The following GPR158 variants were observed in gnomAD, a reference collection of about 807,000 sequenced individuals.
GPR158 encodes metabotropic glycine receptor.
GPR158 carries 30 observed loss-of-function variants against 78.2 expected under a neutral mutation model. That is an observed-to-expected ratio of 0.38 (90% CI 0.29 to 0.52). The LOEUF is 0.52. GPR158 is among the 20% of genes least tolerant of loss of function. GPR158 has a pLI of 0.83. For missense variants in GPR158, 1,463 were observed against 1,523.5 expected, an observed-to-expected ratio of 0.96 and a Z score of 0.66; for synonymous variants, 581 against 591.1, an observed-to-expected ratio of 0.98 and a Z score of 0.25.
At chr10:25,401,106 A>T (rs943304003) in intron 3 of GPR158, among the ~76,000 whole-genome samples, 4 of 151,944 alleles carry the variant, frequency 2.6e-5, no homozygotes, top group African/African-American at 9.7e-5. Flanking sequence ...CTCTCTTCCT[A>T]CTCTGTTTCA....
At chr10:25,370,061 T>C (rs1446171673) in intron 2 of GPR158, among the ~76,000 whole-genome samples, 1 of 148,732 alleles carries the variant, frequency 6.7e-6, no homozygotes, top group Non-Finnish European at 1.5e-5. Context: ...TCTCTCTTTT[T>C]TTCTTTATTA....
At chr10:25,367,458 G>A (rs902093208) in intron 2 of GPR158, among the ~76,000 whole-genome samples, 2 of 151,514 alleles carry the variant, frequency 1.3e-5, no homozygotes, top group African/African-American at 2.4e-5. Flanking sequence ...TCAAGATTTC[G>A]TTTTGGCTCT....
At chr10:25,188,873 C>CAA (rs1159966580) in intron 1 of GPR158, among the ~76,000 whole-genome samples, 2 of 152,114 alleles carry the variant, frequency 1.3e-5, no homozygotes, top group African/African-American at 2.4e-5. Flanking sequence ...AAAATTTTTA[C>CAA]AATCTACCCA....
intron 2 of GPR158, among the ~76,000 whole-genome samples, chr10:25,252,569 T>A (rs1160615310): frequency 7.6e-4 from 115 of 150,886 alleles, no homozygotes; most frequent in African/African-American, 2.8e-3. Context: ...TGGAATACCC[T>A]GCCGTGTGAG....
At chr10:25,239,773 A>G (rs1360069702) in intron 2 of GPR158, among the ~76,000 whole-genome samples, 3 of 152,184 alleles carry the variant, frequency 2.0e-5, no homozygotes, top group African/African-American at 7.2e-5. Flanking sequence ...ATTGGTATCT[A>G]CTATTTGGTT....
chr10:25,424,078 C>G (rs933657983), intron 4 of GPR158, among the ~76,000 whole-genome samples: 10 of 152,202 alleles, frequency 6.6e-5, no homozygotes, highest in African/African-American at 2.2e-4. Flanking sequence ...GCCATTCTAA[C>G]TGGTGTGAGA....
chr10:25,372,708 T>C (rs1337129657), intron 2 of GPR158, among the ~76,000 whole-genome samples: 1 of 75,580 alleles, frequency 1.3e-5, no homozygotes, highest in African/African-American at 5.3e-5. Flanking sequence ...GGGACTGTTG[T>C]GGGGTGGGGG....
intron 2 of GPR158, among the ~76,000 whole-genome samples, chr10:25,257,175 C>G: frequency 6.6e-6 from 1 of 152,246 alleles, no homozygotes; most frequent in Middle Eastern, 3.4e-3. Flanking sequence ...GAAGCAAGTA[C>G]GTGAGACAGA....
At chr10:25,453,949 T>A (rs945919350) in intron 4 of GPR158, among the ~76,000 whole-genome samples, 5 of 152,202 alleles carry the variant, frequency 3.3e-5, no homozygotes, top group Non-Finnish European at 5.9e-5. Flanking sequence ...TTGGATTTTG[T>A]TTCTATTTCT....
At chr10:25,365,242 A>ATAAACAATATTTAATTTTCTCCCCATT (rs6143831) in intron 2 of GPR158, among the ~76,000 whole-genome samples, 2 of 150,326 alleles carry the variant, frequency 1.3e-5, no homozygotes, top group Non-Finnish European at 3.0e-5. Context: ...TTTGTGAGTG[A>ATAAACAATATTTAATTTTCTCCCCATT]TAAACAATAT....
At chr10:25,186,108 G>A (rs181385156) in intron 1 of GPR158, among the ~76,000 whole-genome samples, 3,333 of 152,238 alleles carry the variant, frequency 0.022, 129 homozygotes, top group African/African-American at 0.076. Context: ...TGAACAACCT[G>A]CTCCTGAATG....
rs768562681 is a variant in GPR158 at position 25,176,908 on chromosome 10, C to A, written c.902+586C>A. On this transcript the variant is annotated intron_variant, in intron 1 of 10. Coordinates refer to ENST00000376351, the MANE Select transcript of GPR158 (RefSeq NM_020752.3). This position sits in a 1 kb window ranked among gnomAD's most constrained non-coding sequence, Gnocchi z 6.3. ...CCCCTCAGCAGTGAGTCAGTCCCAG[C>A]AGCTAGCTGTCTCTGGGATCCAGAC... 6.6e-6 allele frequency among the ~76,000 whole-genome samples: 1 copy of A among 152,204 alleles called. No individual in the cohort carries two copies. Among genetic ancestry groups the A allele is most frequent in the Non-Finnish European group, 1.5e-5 (1 of 68,034 alleles).
At chr10:25,449,712 T>C (rs147058550) in intron 4 of GPR158, among the ~76,000 whole-genome samples, 79 of 152,270 alleles carry the variant, frequency 5.2e-4, no homozygotes, top group South Asian at 2.5e-3. Context: ...TACTTGAACA[T>C]CCCTGAGAGG....
chr10:25,430,356 A>G (rs1834883571), intron 4 of GPR158, among the ~76,000 whole-genome samples: 1 of 150,736 alleles, frequency 6.6e-6, no homozygotes, highest in Non-Finnish European at 1.5e-5. Flanking sequence ...TCAATGAAAT[A>G]AAAGAGGATA....
At chr10:25,266,493 T>C (rs1318106220) in intron 2 of GPR158, among the ~76,000 whole-genome samples, 3 of 152,182 alleles carry the variant, frequency 2.0e-5, no homozygotes, top group African/African-American at 7.2e-5. Flanking sequence ...TTCTTTCTAA[T>C]GGGATTCGGT....
At chr10:25,314,226 G>A (rs113092155) in intron 2 of GPR158, among the ~76,000 whole-genome samples, 30,633 of 151,810 alleles carry the variant, frequency 0.2, 5,213 homozygotes, top group African/African-American at 0.47. Flanking sequence ...TCAGCCTCCC[G>A]AGTAGCTGGG....
chr10:25,528,659 T>A (rs1181115011), intron 5 of GPR158, among the ~76,000 whole-genome samples: 1 of 152,118 alleles, frequency 6.6e-6, no homozygotes, highest in Admixed American at 6.6e-5. Context: ...GAGAAACACA[T>A]GATGTTCATG....
chr10:25,522,156 A>C (rs1836286088), intron 5 of GPR158, among the ~76,000 whole-genome samples: 1 of 152,208 alleles, frequency 6.6e-6, no homozygotes, highest in African/African-American at 2.4e-5. Context: ...TCAGCTTCTT[A>C]CTATGTAAGT....
chr10:25,267,953 T>A (rs1854065147), intron 2 of GPR158, among the ~76,000 whole-genome samples: 1 of 151,658 alleles, frequency 6.6e-6, no homozygotes, highest in African/African-American at 2.4e-5. Context: ...TTGTTACTCT[T>A]AATTTTATTA....
Sources: allele counts gnomAD v4.1 joint callset (sites outside exome capture counted in the v4.1 genomes callset), GRCh38; gene constraint gnomAD v4.1.1; non-coding constraint Gnocchi (gnomAD v3.1); transcripts MANE v1.5; gene names NCBI Gene and HGNC (gene_info 2026-07-23, HGNC 2026-07-21).